Variants in KCNH1 observed in about 807,000 individuals in gnomAD.
KCNH1 encodes voltage-gated delayed rectifier potassium channel KCNH1.
Under a neutral mutation model 69.2 loss-of-function variants are expected in KCNH1, and 27 were observed. The observed-to-expected ratio is 0.39, with a 90% CI of 0.29 to 0.54. The LOEUF (loss-of-function observed/expected upper bound fraction) is 0.54. Ranked by LOEUF, KCNH1 falls within the 20% of genes least tolerant of loss-of-function variation. The probability of loss-of-function intolerance (pLI) is 0.68; values close to 1 mark genes in which losing one functional copy is unlikely to be tolerated. For synonymous variants in KCNH1, 456 were observed against 487.7 expected (o/e 0.93, Z 0.86); for missense variants, 798 against 1,261.6 (o/e 0.63, Z 5.57).
At chr1:210,702,629 G>T (rs1480295240) in intron 10 of KCNH1, among the ~76,000 whole-genome samples, 1 of 152,058 alleles carries the variant, frequency 6.6e-6, no homozygotes, top group East Asian at 1.9e-4. Flanking sequence ...ACAGTCACTG[G>T]GTTGCATGAG....
chr1:210,931,865 G>A (rs1687686694), intron 6 of KCNH1, among the ~76,000 whole-genome samples: 1 of 150,640 alleles, frequency 6.6e-6, no homozygotes, highest in Non-Finnish European at 1.5e-5. Flanking sequence ...AATCCAGGGT[G>A]TCAACAACAG....
intron 6 of KCNH1, among the ~76,000 whole-genome samples, chr1:210,982,058 T>A (rs1688720375): frequency 6.6e-6 from 1 of 151,874 alleles, no homozygotes; most frequent in Non-Finnish European, 1.5e-5. Flanking sequence ...AGAAAATTGG[T>A]CTGGGGGTCA....
At chr1:210,961,262 T>TC (rs1216376849) in intron 6 of KCNH1, among the ~76,000 whole-genome samples, 2 of 152,088 alleles carry the variant, frequency 1.3e-5, no homozygotes, top group Non-Finnish European at 1.5e-5. Context: ...TTTTTTTTTT[T>TC]CCCAGCATGA....
chr1:210,762,295 C>T (rs1380533266), intron 10 of KCNH1, among the ~76,000 whole-genome samples: 2 of 152,062 alleles, frequency 1.3e-5, no homozygotes, highest in Non-Finnish European at 2.9e-5. Flanking sequence ...CTGAAATTAA[C>T]AACCTAAGAT....
At chr1:210,733,945 T>C (rs1682805571) in intron 10 of KCNH1, among the ~76,000 whole-genome samples, 2 of 40,488 alleles carry the variant, frequency 4.9e-5, no homozygotes, top group Admixed American at 3.9e-4. Context: ...TATGTCTGTC[T>C]GTCTCACACA....
chr1:210,721,993 C>T (rs1301494171), intron 10 of KCNH1, among the ~76,000 whole-genome samples: 2 of 152,112 alleles, frequency 1.3e-5, no homozygotes, highest in Non-Finnish European at 2.9e-5. Flanking sequence ...CTCACCCTGC[C>T]ACTTCCCTCC....
Position 210,953,942 on chromosome 1 carries a change from C to T in KCNH1, c.1033-33873G>A, listed in dbSNP as rs919616609. On this transcript the variant is annotated intron_variant, in intron 6 of 10. Transcript: ENST00000271751. Reference sequence around the variant, plus strand: ...CTTTCGGTTCTAGGGTACATGTGTACAATGTGCAGGTTTGTTATATAGGTA... The same window carrying T: ...CTTTCGGTTCTAGGGTACATGTGTATAATGTGCAGGTTTGTTATATAGGTA... Among the ~76,000 whole-genome samples the T allele has an allele frequency of 5.3e-4, 81 of 152,128 alleles. 1 individual carries two copies. The highest frequency in any genetic ancestry group is 1.9e-3 in the African/African-American group (80 of 41,430).
At chr1:210,739,272 G>A (rs1271939978) in intron 10 of KCNH1, among the ~76,000 whole-genome samples, 1 of 152,180 alleles carries the variant, frequency 6.6e-6, no homozygotes, top group Non-Finnish European at 1.5e-5. Context: ...AAAGAGTCCA[G>A]ACGTTAGAGC....
At chr1:210,800,538 G>T (rs1684407087) in intron 8 of KCNH1, among the ~76,000 whole-genome samples, 1 of 152,224 alleles carries the variant, frequency 6.6e-6, no homozygotes, top group South Asian at 2.1e-4. Context: ...GGAGAGTACA[G>T]TGTGAGCAGG....
rs1306150958 is a variant in KCNH1, at chr1:210,979,429, C to G, written c.1032+39354G>C. ...AAGAGGATTTGCCAACCTCACTGAGCCATAGCTAATCCATATTTTCAAATT... is the reference window on the plus strand; with the variant it reads ...AAGAGGATTTGCCAACCTCACTGAGGCATAGCTAATCCATATTTTCAAATT... On this transcript the variant is annotated intron_variant, in intron 6 of 10. Transcript: ENST00000271751. Among the ~76,000 whole-genome samples, 4 of 152,278 alleles carry G rather than the reference C, an allele frequency of 2.6e-5. No homozygotes were observed. The South Asian group carries it at 6.2e-4, about 24-fold the overall frequency.
At chr1:210,991,668 G>C (rs1688940189) in intron 6 of KCNH1, among the ~76,000 whole-genome samples, 1 of 151,330 alleles carries the variant, frequency 6.6e-6, no homozygotes, top group Non-Finnish European at 1.5e-5. Flanking sequence ...GAAAAAAAAG[G>C]TGTTACATAT....
intron 3 of KCNH1, among the ~76,000 whole-genome samples, chr1:211,100,251 A>G (rs1052388253): frequency 6.6e-6 from 1 of 152,054 alleles, no homozygotes; most frequent in African/African-American, 2.4e-5. Context: ...CTTCTCCACC[A>G]CTACCGCTTT....
At chr1:210,897,160 G>C (rs929756600) in intron 7 of KCNH1, among the ~76,000 whole-genome samples, 3 of 152,196 alleles carry the variant, frequency 2.0e-5, no homozygotes, top group Non-Finnish European at 4.4e-5. Context: ...TAACCACAGT[G>C]ATCTGGATGT....
At chr1:210,761,947 C>T (rs1442686180) in intron 10 of KCNH1, among the ~76,000 whole-genome samples, 3 of 152,126 alleles carry the variant, frequency 2.0e-5, no homozygotes, top group African/African-American at 7.2e-5. Flanking sequence ...AGTATACATT[C>T]TTCTCATCTG....
At chr1:211,122,282 T>C (rs1051073066) in intron 1 of KCNH1, among the ~76,000 whole-genome samples, 2 of 152,026 alleles carry the variant, frequency 1.3e-5, no homozygotes, top group Admixed American at 6.5e-5. Flanking sequence ...TGAGACACTA[T>C]CTCATACCAG....
intron 5 of KCNH1, among the ~76,000 whole-genome samples, chr1:211,072,278 A>G (rs1055177584): frequency 1.3e-5 from 2 of 152,196 alleles, no homozygotes; most frequent in Non-Finnish European, 2.9e-5. Context: ...TCCATCTCCA[A>G]ATAAAAAAAG....
intron 7 of KCNH1, among the ~76,000 whole-genome samples, chr1:210,817,061 C>T (rs1472861154): frequency 6.6e-6 from 1 of 152,124 alleles, no homozygotes; most frequent in African/African-American, 2.4e-5. Flanking sequence ...AACCATGAGT[C>T]TCTTGGTTTA....
intron 10 of KCNH1, among the ~76,000 whole-genome samples, chr1:210,717,400 T>C (rs555743172): frequency 2.0e-5 from 3 of 152,296 alleles, no homozygotes; most frequent in African/African-American, 7.2e-5. Context: ...TCCCCAACTC[T>C]CAGGGATTCA....
At chr1:210,787,486 G>C (rs748088623) in intron 9 of KCNH1, among the ~76,000 whole-genome samples, 45 of 152,184 alleles carry the variant, frequency 3.0e-4, no homozygotes, top group Non-Finnish European at 4.9e-4. Context: ...TTGGCCCACT[G>C]TTTGTATTTC....
Sources: gnomAD v4.1 joint callset for allele counts (sites outside exome capture counted in the v4.1 genomes callset) on GRCh38, gnomAD v4.1.1 for gene constraint, MANE v1.5 for transcripts, NCBI Gene and HGNC (gene_info 2026-07-23, HGNC 2026-07-21) for gene names.